ALK: variants seen among roughly 807,000 people sequenced by gnomAD.
ALK encodes ALK tyrosine kinase receptor.
ALK carries 74 observed loss-of-function variants against 163.1 expected under a neutral mutation model. That is an observed-to-expected ratio of 0.45 (90% CI 0.38 to 0.55). The LOEUF (loss-of-function observed/expected upper bound fraction) is 0.55. Among genes scored for constraint, ALK ranks in the 20% least tolerant of loss-of-function variants. ALK has a pLI of 0.00. For synonymous variants in ALK, 960 were observed against 843.2 expected, an observed-to-expected ratio of 1.14 and a Z score of -2.40; for missense variants, 2,063 against 2,105.3, an observed-to-expected ratio of 0.98 and a Z score of 0.39.
chr2:29,495,868 G>C (rs937533721), intron 4 of ALK, among the ~76,000 whole-genome samples: 1 of 152,198 alleles, frequency 6.6e-6, no homozygotes, highest in Non-Finnish European at 1.5e-5. Context: ...CACATCCAAT[G>C]AATGGAGCTA....
At chr2:29,275,288 G>A (rs1665505771) in intron 10 of ALK, 61 bp from the exon 11 acceptor site, 1 of 1,611,246 alleles carries the variant, frequency 6.2e-7, no homozygotes, top group East Asian at 2.2e-5. Context: ...GGTGAGAGAT[G>A]ATTTCACACT....
At chr2:29,303,727 T>C (rs1304446432) in intron 8 of ALK, among the ~76,000 whole-genome samples, 1 of 152,218 alleles carries the variant, frequency 6.6e-6, no homozygotes, top group African/African-American at 2.4e-5. Context: ...GTCATGTCCT[T>C]TGCAGCAACG....
chr2:29,262,822 C>G (rs1000944473), intron 11 of ALK, among the ~76,000 whole-genome samples: 1 of 152,240 alleles, frequency 6.6e-6, no homozygotes, highest in Admixed American at 6.5e-5. Context: ...ACCCAGTGAT[C>G]TGCAGGAGAT....
At chr2:29,391,653 T>A (rs1209705362) in intron 4 of ALK, among the ~76,000 whole-genome samples, 1 of 152,028 alleles carries the variant, frequency 6.6e-6, no homozygotes, top group Non-Finnish European at 1.5e-5. Flanking sequence ...TTTTCTCTCC[T>A]CCCTTGTTCC....
intron 3 of ALK, among the ~76,000 whole-genome samples, chr2:29,633,836 G>A (rs2148239106): frequency 6.6e-6 from 1 of 152,170 alleles, no homozygotes; most frequent in South Asian, 2.1e-4. Flanking sequence ...CCAATTCCTT[G>A]AAAAACACAA....
chr2:29,916,979 A>G (rs1352676925), intron 1 of ALK, among the ~76,000 whole-genome samples: 2 of 152,164 alleles, frequency 1.3e-5, no homozygotes, highest in Non-Finnish European at 2.9e-5. Context: ...TGCCGATCCT[A>G]TTTCTGAATT....
chr2:29,554,667 G>T (rs145614335), intron 3 of ALK, among the ~76,000 whole-genome samples: 1 of 152,196 alleles, frequency 6.6e-6, no homozygotes, highest in Admixed American at 6.5e-5. Flanking sequence ...ACTGTCAGAG[G>T]TGTTTGAACC....
At chr2:29,771,524 G>T (rs1681022654) in intron 1 of ALK, among the ~76,000 whole-genome samples, 1 of 152,004 alleles carries the variant, frequency 6.6e-6, no homozygotes. Flanking sequence ...TTGCACCCTG[G>T]AATTCTTCTC....
At chr2:29,478,566 A>G (rs1342166105) in intron 4 of ALK, among the ~76,000 whole-genome samples, 1 of 152,248 alleles carries the variant, frequency 6.6e-6, no homozygotes, top group Non-Finnish European at 1.5e-5. Context: ...CTTTGAAGTA[A>G]TGAGCTCATG....
chr2:29,424,896 C>G (rs76548588), intron 4 of ALK, among the ~76,000 whole-genome samples: 3,731 of 152,136 alleles, frequency 0.025, 147 homozygotes, highest in African/African-American at 0.082. Flanking sequence ...ATTGAGGGTA[C>G]CATAAATAAA....
chr2:29,490,017 T>C (rs1399550349), intron 4 of ALK, among the ~76,000 whole-genome samples: 1 of 152,202 alleles, frequency 6.6e-6, no homozygotes, highest in African/African-American at 2.4e-5. Context: ...TCTTGACTTA[T>C]AGGAACTAGG....
intron 4 of ALK, among the ~76,000 whole-genome samples, chr2:29,522,288 C>T (rs1326741302): frequency 6.6e-6 from 1 of 152,140 alleles, no homozygotes; most frequent in Non-Finnish European, 1.5e-5. Flanking sequence ...CTAGGGCCTC[C>T]CTCACCAAGT....
At chr2:29,705,285 A>C (rs1441073891) in intron 2 of ALK, among the ~76,000 whole-genome samples, 3 of 105,246 alleles carry the variant, frequency 2.9e-5, no homozygotes, top group African/African-American at 8.4e-5. Flanking sequence ...ATATATAAAT[A>C]TATATCTGCT....
At chr2:29,398,410 A>C (rs1019816598) in intron 4 of ALK, among the ~76,000 whole-genome samples, 1 of 152,152 alleles carries the variant, frequency 6.6e-6, no homozygotes, top group African/African-American at 2.4e-5. Flanking sequence ...CACTTCCTTT[A>C]CCTGTCTCCC....
At chr2:29,422,978 C>G (rs1196922820) in intron 4 of ALK, among the ~76,000 whole-genome samples, 1 of 150,274 alleles carries the variant, frequency 6.7e-6, no homozygotes, top group East Asian at 1.9e-4. Context: ...CTGGAAATGT[C>G]ATCAACAATG....
chr2:29,206,264 TTC>T (rs1382263460), intron 26 of ALK, among the ~76,000 whole-genome samples: 1 of 149,156 alleles, frequency 6.7e-6, no homozygotes, highest in Admixed American at 6.6e-5. Flanking sequence ...CTTTCTTTCT[TTC>T]TCTCTCTCGT....
chr2:29,887,098 C>A (rs907189215), intron 1 of ALK, among the ~76,000 whole-genome samples: 2 of 152,186 alleles, frequency 1.3e-5, no homozygotes, highest in Non-Finnish European at 2.9e-5. Flanking sequence ...AAACTATCCC[C>A]AAAATTTAGT....
At chr2:29,727,456 A>G (rs1679605844) in intron 1 of ALK, among the ~76,000 whole-genome samples, 1 of 152,236 alleles carries the variant, frequency 6.6e-6, no homozygotes. Flanking sequence ...CTGTGTTCTC[A>G]GATACAGCAG....
chr2:29,462,430 A>T (rs542880234), intron 4 of ALK, among the ~76,000 whole-genome samples: 5 of 152,150 alleles, frequency 3.3e-5, no homozygotes, highest in Non-Finnish European at 5.9e-5. Flanking sequence ...TGCCACAGCC[A>T]TCCCACCCTT....
Sources: allele counts gnomAD v4.1 joint callset (sites outside exome capture counted in the v4.1 genomes callset), GRCh38; gene constraint gnomAD v4.1.1; transcripts MANE v1.5; gene names NCBI Gene and HGNC (gene_info 2026-07-23, HGNC 2026-07-21).